The following MYT1L variants were observed in gnomAD, a reference collection of about 807,000 sequenced individuals.
The protein encoded by MYT1L is myelin transcription factor 1 like.
In MYT1L, 12 loss-of-function variants were observed where a neutral mutation model predicts 126.7. The ratio of observed to expected loss-of-function variants is 0.09; its 90% confidence interval spans 0.06 to 0.15. The LOEUF (loss-of-function observed/expected upper bound fraction) is 0.15, where lower values mean the gene tolerates loss of function less well. MYT1L is among the 10% of genes least tolerant of loss of function. MYT1L has a pLI of 1.00. For missense variants in MYT1L, 979 were observed against 1,585.2 expected (o/e 0.62, Z 6.49); for synonymous variants, 541 against 604.2 (o/e 0.90, Z 1.53).
chr2:1,930,309 G>A (rs2054781476), intron 9 of MYT1L, among the ~76,000 whole-genome samples: 1 of 152,230 alleles, frequency 6.6e-6, no homozygotes, highest in Admixed American at 6.5e-5. Flanking sequence ...ATATCACGGA[G>A]CAGAGCGGCA....
chr2:1,991,475 C>G (rs2061451698), intron 5 of MYT1L, among the ~76,000 whole-genome samples: 1 of 151,992 alleles, frequency 6.6e-6, no homozygotes, highest in East Asian at 1.9e-4. Context: ...GTATTTTTTG[C>G]CACCATGTTG....
At chr2:2,152,366 G>A (rs1398512911) in intron 3 of MYT1L, among the ~76,000 whole-genome samples, 1 of 152,218 alleles carries the variant, frequency 6.6e-6, no homozygotes, top group Non-Finnish European at 1.5e-5. Flanking sequence ...AATTATTTCT[G>A]GAATTTTCCA....
intron 4 of MYT1L, among the ~76,000 whole-genome samples, chr2:2,006,767 G>C (rs2063368430): frequency 6.6e-6 from 1 of 151,790 alleles, no homozygotes; most frequent in Non-Finnish European, 1.5e-5. Flanking sequence ...GTAGAGACGG[G>C]GTTTCACCAT....
intron 14 of MYT1L, among the ~76,000 whole-genome samples, chr2:1,898,032 A>C (rs1377000472): frequency 6.6e-6 from 1 of 152,234 alleles, no homozygotes; most frequent in African/African-American, 2.4e-5. Context: ...TGTAATAATA[A>C]TAAACAAAAC....
chr2:1,935,122 T>C (rs1252118975), intron 9 of MYT1L, among the ~76,000 whole-genome samples: 1 of 152,192 alleles, frequency 6.6e-6, no homozygotes, highest in African/African-American at 2.4e-5. Context: ...TATTCAGAAA[T>C]GTATGTTTTT....
At chr2:2,314,569 T>C (rs947794220) in intron 1 of MYT1L, among the ~76,000 whole-genome samples, 1 of 152,214 alleles carries the variant, frequency 6.6e-6, no homozygotes, top group Admixed American at 6.5e-5. Context: ...TTTAATTTAA[T>C]TTTAAGTTCT....
intron 4 of MYT1L, among the ~76,000 whole-genome samples, chr2:2,044,401 T>G (rs1010234256): frequency 3.3e-5 from 5 of 152,172 alleles, no homozygotes; most frequent in African/African-American, 1.2e-4. Flanking sequence ...GGTGTGCCCA[T>G]AGAGTATCAA....
At chr2:1,847,865 C>T (rs1003018689) in intron 19 of MYT1L, among the ~76,000 whole-genome samples, 38 of 152,166 alleles carry the variant, frequency 2.5e-4, no homozygotes, top group Non-Finnish European at 2.9e-5. Context: ...GACTTAGGGA[C>T]GTTTTAGATG....
chr2:2,291,020 T>C (rs1184124396), intron 1 of MYT1L, among the ~76,000 whole-genome samples: 4 of 151,850 alleles, frequency 2.6e-5, no homozygotes, highest in Non-Finnish European at 5.9e-5. Flanking sequence ...TCTAGGGCCA[T>C]TATAAAAATC....
At chr2:2,014,161 A>AT (rs570681596) in intron 4 of MYT1L, among the ~76,000 whole-genome samples, 10 of 150,048 alleles carry the variant, frequency 6.7e-5, no homozygotes, top group East Asian at 5.9e-4. Context: ...TTATTATTTC[A>AT]TTTTTTTTCC....
intron 11 of MYT1L, among the ~76,000 whole-genome samples, chr2:1,914,503 G>A (rs940811736): frequency 2.0e-5 from 3 of 151,926 alleles, no homozygotes; most frequent in African/African-American, 4.8e-5. Context: ...CAGTTTCCAC[G>A]AATGCTACTC....
At chr2:2,165,250 A>G (rs1017861089) in intron 3 of MYT1L, among the ~76,000 whole-genome samples, 6 of 152,136 alleles carry the variant, frequency 3.9e-5, no homozygotes, top group African/African-American at 1.4e-4. Context: ...AACTTTGTCC[A>G]TATTAGACAC....
At chr2:2,080,675 G>C (rs1230090196) in intron 3 of MYT1L, among the ~76,000 whole-genome samples, 1 of 152,052 alleles carries the variant, frequency 6.6e-6, no homozygotes, top group Admixed American at 6.5e-5. Flanking sequence ...AAAAGGAAAA[G>C]AAAAGAAAAG....
chr2:2,051,134 C>A (rs867608079), intron 4 of MYT1L, among the ~76,000 whole-genome samples: 7 of 152,252 alleles, frequency 4.6e-5, no homozygotes, highest in Middle Eastern at 6.8e-3. Context: ...ACAGACAGTA[C>A]CCATGCTCAT....
chr2:2,321,223 C>T (rs2096158982), intron 1 of MYT1L, among the ~76,000 whole-genome samples: 1 of 152,138 alleles, frequency 6.6e-6, no homozygotes. Flanking sequence ...AGCTCTTGCC[C>T]AGATGCATTA....
intron 19 of MYT1L, among the ~76,000 whole-genome samples, chr2:1,851,069 T>A (rs1413533354): frequency 1.3e-5 from 2 of 152,206 alleles, no homozygotes; most frequent in South Asian, 2.1e-4. Flanking sequence ...TCCATGTTAA[T>A]CCAGTAGTTA....
intron 3 of MYT1L, among the ~76,000 whole-genome samples, chr2:2,082,312 T>A (rs1024521600): frequency 6.6e-6 from 1 of 152,252 alleles, no homozygotes. Flanking sequence ...GGGATTGAAC[T>A]AACATTGTTT....
At chr2:2,091,534 T>C (rs1436237803) in intron 3 of MYT1L, among the ~76,000 whole-genome samples, 1 of 152,146 alleles carries the variant, frequency 6.6e-6, no homozygotes, top group Non-Finnish European at 1.5e-5. Context: ...TTTGAAATGA[T>C]ATGTAAGCAT....
intron 3 of MYT1L, among the ~76,000 whole-genome samples, chr2:2,115,218 A>C (rs1305492180): frequency 6.6e-6 from 1 of 152,194 alleles, no homozygotes; most frequent in Non-Finnish European, 1.5e-5. Context: ...AATACAGTAA[A>C]GTGTGTTCAT....
Sources: gnomAD v4.1 joint callset for allele counts (sites outside exome capture counted in the v4.1 genomes callset) on GRCh38, gnomAD v4.1.1 for gene constraint, MANE v1.5 for transcripts, NCBI Gene and HGNC (gene_info 2026-07-23, HGNC 2026-07-21) for gene names.